ZNF586: variants seen among roughly 807,000 people sequenced by gnomAD.
The protein encoded by ZNF586 is zinc finger protein 586.
In ZNF586, 7 loss-of-function variants were observed where a neutral mutation model predicts 6.7. The ratio of observed to expected loss-of-function variants is 1.04; its 90% CI spans 0.59 to 1.95. ZNF586 has a LOEUF of 1.95. Among genes scored for constraint, ZNF586 ranks in the 30% most tolerant of loss-of-function variants. ZNF586 has a pLI of 0.00. For synonymous variants in ZNF586, 166 were observed against 168.7 expected (o/e 0.98, Z 0.12); for missense variants, 442 against 489.6 (o/e 0.90, Z 0.92).
rs1374043934 is a variant in ZNF586, at chr19:57,775,958, T to C, written c.37-585T>C. On this transcript the variant is annotated intron_variant, in intron 1 of 2. Coordinates refer to ENST00000396154, the MANE Select transcript of ZNF586 (RefSeq NM_017652.4). Reference sequence around the variant, plus strand: ...TGGCTCTCTGTGGTGAGTGGTGTCCTCTTCTCTCAAGCGCTGAGCATATTT... The same window carrying C: ...TGGCTCTCTGTGGTGAGTGGTGTCCCCTTCTCTCAAGCGCTGAGCATATTT... Among the ~76,000 whole-genome samples, 4 of 152,222 alleles carry C rather than the reference T, an allele frequency of 2.6e-5. No individual in the cohort carries two copies. The East Asian group carries it at 7.7e-4, about 29-fold the overall frequency.
Position 57,779,137 on chromosome 19 carries a change from G to A in ZNF586, c.550G>A (p.Gly184Arg), listed in dbSNP as rs2122567101. 1 of 1,614,000 alleles carries A rather than the reference G, an allele frequency of 6.2e-7. No homozygotes were observed. Among genetic ancestry groups the A allele is most frequent in the Non-Finnish European group, 8.5e-7 (1 of 1,180,002 alleles). ...AAGGCCTTATGAGTGTATTGAATGT[G>A]GGAAAGCCTTTGCTGAAAAGTCCAG... ...RERPYECIECGKAFAEKSSLI... is the reference protein window; with the variant it reads ...RERPYECIECRKAFAEKSSLI... The change falls in exon 3 of 3, where the codon GGG becomes AGG. Residue 184 changes from glycine (G) to arginine (R), a missense_variant. Coordinates refer to ENST00000396154, the MANE Select transcript of ZNF586 (RefSeq NM_017652.4).
chr19:57,773,402 C>CTTTTTTTTTTT (rs35585717), intron 1 of ZNF586, among the ~76,000 whole-genome samples: 2 of 92,800 alleles, frequency 2.2e-5, no homozygotes, highest in African/African-American at 7.1e-5. Context: ...TCTTCTTCTT[C>CTTTTTTTTTTT]TTTTTTTTTT....
In ZNF586 at chr19:57,780,090, G is replaced by A; in HGVS notation, c.*294G>A. The A allele has an allele frequency of 5.2e-6, 2 of 385,914 alleles. No individual in the cohort carries two copies. The highest frequency in any genetic ancestry group is 9.2e-6 in the Non-Finnish European group (2 of 216,868). 23.9% of individuals were successfully genotyped at this position (385,914 alleles called of 1,614,324 possible). A position where few individuals can be genotyped will look rare whatever the true frequency, so the allele number is the denominator to read the frequency against. ...TATAACACTGGAGGAAACCCCTTAT[G>A]AGGATGCCATCTGCCTAAATTGAAT... On this transcript the variant is annotated 3_prime_UTR_variant, in exon 3 of 3. Coordinates refer to ENST00000396154, the MANE Select transcript of ZNF586 (RefSeq NM_017652.4).
rs777454009 is a variant in ZNF586 at position 57,778,823 on chromosome 19, AGGG to A, written c.237_239del (p.Gly81del). On this transcript the variant is annotated inframe_deletion, in exon 3 of 3. Coordinates refer to ENST00000396154, the MANE Select transcript of ZNF586 (RefSeq NM_017652.4). ...ACGTGTATACATATATACAAAGACC[AGGG>A]AGGTCATAGTGGAGAAAGGCCTTAT... The A allele has an allele frequency of 1.2e-6, 2 of 1,614,204 alleles. No homozygotes were observed. The highest frequency in any genetic ancestry group is 1.7e-6 in the Non-Finnish European group (2 of 1,180,036).
At chr19:57,774,012 T>C (rs534050091) in intron 1 of ZNF586, among the ~76,000 whole-genome samples, 2 of 151,704 alleles carry the variant, frequency 1.3e-5, no homozygotes, top group Non-Finnish European at 2.9e-5. Flanking sequence ...GGCCGGGGGT[T>C]CGAGATCAGC....
In ZNF586 at chr19:57,779,356, A is replaced by T; in HGVS notation, c.769A>T (p.Thr257Ser). ...TCTTATTAAACACTTGAGAGTTCACACAGGAGAAAGGCCTTATGAATGCGT... is the reference window on the plus strand; with the variant it reads ...TCTTATTAAACACTTGAGAGTTCACTCAGGAGAAAGGCCTTATGAATGCGT... ...SSLIKHLRVH[T>S]GERPYECVEC... is the part of the protein sequence containing the mutation. The change falls in exon 3 of 3, where the codon ACA becomes TCA. Residue 257 changes from threonine to serine, a missense_variant. Transcript: ENST00000396154. 1 of 1,613,428 alleles carries T rather than the reference A, an allele frequency of 6.2e-7. No homozygotes were observed. The highest frequency in any genetic ancestry group is 1.3e-5 in the African/African-American group (1 of 74,696).
chr19:57,779,252 T>C lies in ZNF586; in HGVS notation c.665T>C (p.Ile222Thr), dbSNP rs1568484336. The stretch of plus-strand genomic sequence containing the variant: ...TCCTTTGCTTATACATCTAGTCTCA[T>C]TAAACACAGGAGGATTCACACTGGA... The part of the protein sequence containing the change: ...GKSFAYTSSL[I>T]KHRRIHTGER... Residue 222 changes from isoleucine to threonine, a missense_variant, in exon 3 of 3, where the codon ATT (isoleucine) becomes ACT (threonine). Transcript: ENST00000396154. 6.2e-7 allele frequency: 1 copy of C among 1,613,648 alleles called. No individual in the cohort carries two copies. The highest frequency in any genetic ancestry group is 2.2e-5 in the East Asian group (1 of 44,766).
Position 57,779,260 on chromosome 19 carries a change from A to G in ZNF586, c.673A>G (p.Arg225Gly), listed in dbSNP as rs201324003. The change falls in exon 3 of 3, where the codon AGG becomes GGG. Residue 225 changes from arginine to glycine, a missense_variant. Physicochemically the swap from Arg to Gly is moderately radical, Grantham distance 125. Coordinates refer to ENST00000396154, the MANE Select transcript of ZNF586 (RefSeq NM_017652.4). ...FAYTSSLIKH[R>G]RIHTGERPYE... Reference sequence around the variant, plus strand: ...TTATACATCTAGTCTCATTAAACACAGGAGGATTCACACTGGAGAGAGGCC... The same window carrying G: ...TTATACATCTAGTCTCATTAAACACGGGAGGATTCACACTGGAGAGAGGCC... 6.2e-7 allele frequency: 1 copy of G among 1,614,164 alleles called. No homozygotes were observed. The highest frequency in any genetic ancestry group is 2.2e-5 in the East Asian group (1 of 44,880).
intron 1 of ZNF586, among the ~76,000 whole-genome samples, chr19:57,772,915 TA>T (rs1340526234): frequency 3.9e-5 from 6 of 152,150 alleles, no homozygotes; most frequent in African/African-American, 1.4e-4. Context: ...AATCCTGACA[TA>T]GTCTCTTTTC....
rs763613975 is a variant in ZNF586 at position 57,779,255 on chromosome 19, A to C, written c.668A>C (p.Lys223Thr). ...TTTGCTTATACATCTAGTCTCATTA[A>C]ACACAGGAGGATTCACACTGGAGAG... Reference protein sequence around the residue: ...KSFAYTSSLIKHRRIHTGERP... With the variant: ...KSFAYTSSLITHRRIHTGERP... Residue 223 changes from lysine to threonine, a missense_variant, in exon 3 of 3, where the codon AAA (lysine) becomes ACA (threonine). Coordinates refer to ENST00000396154, the MANE Select transcript of ZNF586 (RefSeq NM_017652.4). The C allele has an allele frequency of 3.7e-6, 6 of 1,614,054 alleles. No individual in the cohort carries two copies. The highest frequency in any genetic ancestry group is 5.1e-6 in the Non-Finnish European group (6 of 1,180,036).
At position 57,779,900 on chromosome 19, in the gene ZNF586, T is replaced by G. The variant is rs1987345486; in HGVS notation, c.*104T>G. ...GAGTGTGACAAATGGGGAATATTCT[T>G]TAGCTAGAATGCTAGCTTCTTTACA... On this transcript the variant is annotated 3_prime_UTR_variant, in exon 3 of 3. Coordinates refer to ENST00000396154, the MANE Select transcript of ZNF586 (RefSeq NM_017652.4). 4 of 999,718 alleles carry G rather than the reference T, an allele frequency of 4.0e-6. No individual in the cohort carries two copies. Among genetic ancestry groups the G allele is most frequent in the African/African-American group, 1.6e-5 (1 of 61,312 alleles). The allele number at this position is 999,718 out of a possible 1,614,324, so 61.9% of individuals were successfully genotyped here.
intron 2 of ZNF586, among the ~76,000 whole-genome samples, chr19:57,776,973 G>A (rs1007903165): frequency 3.3e-5 from 5 of 152,130 alleles, no homozygotes; most frequent in African/African-American, 1.2e-4. Context: ...GCTTCTGTTT[G>A]TCTCAAGTTC....
At chr19:57,776,510 C>A (rs1260437145) in intron 1 of ZNF586, 33 bp from the exon 2 acceptor site, 4 of 1,596,640 alleles carry the variant, frequency 2.5e-6, no homozygotes, top group Non-Finnish European at 3.4e-6. Flanking sequence ...GCATAGGGGC[C>A]ATTTGTGGTT....
rs373553723 is a variant in ZNF586, at chr19:57,779,243, C to T, written c.656C>T (p.Ser219Phe). The T allele has an allele frequency of 2.5e-5, 41 of 1,613,976 alleles. No homozygotes were observed. Among genetic ancestry groups the T allele is most frequent in the Non-Finnish European group, 3.1e-5 (36 of 1,180,026 alleles). ...TGTGGGAAGTCCTTTGCTTATACATCTAGTCTCATTAAACACAGGAGGATT... is the reference window on the plus strand; with the variant it reads ...TGTGGGAAGTCCTTTGCTTATACATTTAGTCTCATTAAACACAGGAGGATT... Reference protein sequence around the residue: ...NECGKSFAYTSSLIKHRRIHT... With the variant: ...NECGKSFAYTFSLIKHRRIHT... The change falls in exon 3 of 3, where the codon TCT (serine) becomes TTT (phenylalanine). Residue 219 changes from serine to phenylalanine, a missense_variant. Coordinates refer to ENST00000396154, the MANE Select transcript of ZNF586 (RefSeq NM_017652.4).
rs1228715221 is a variant in ZNF586 at position 57,779,094 on chromosome 19, G to C, written c.507G>C (p.Gln169His). 3 of 1,614,086 alleles carry C rather than the reference G, an allele frequency of 1.9e-6. No homozygotes were observed. The highest frequency in any genetic ancestry group is 1.7e-5 in the Admixed American group (1 of 59,998). The change falls in exon 3 of 3, where the codon CAG (glutamine) becomes CAC (histidine). Residue 169 changes from glutamine (Q) to histidine (H), a missense_variant. By Grantham distance (24) the Gln-to-His change is conservative (BLOSUM62 0). Coordinates refer to ENST00000396154, the MANE Select transcript of ZNF586 (RefSeq NM_017652.4). ...AAAGCTCTTCACTCTTGCAGCGTCA[G>C]ACACTTCACACTAGAGAAAGGCCTT... ...FHQSSSLLQR[Q>H]TLHTRERPYE...
Position 57,779,408 on chromosome 19 carries a change from G to A in ZNF586, c.821G>A (p.Ser274Asn), listed in dbSNP as rs776447863. 2.4e-5 allele frequency: 39 copies of A among 1,613,528 alleles called. No homozygotes were observed. The South Asian group carries it at 4.0e-4, about 16-fold the overall frequency. ...GAGTGTGGAAAATCATTTCGCCGAA[G>A]CTCTTCACTCTTGCAGCATCAGAGA... ...CVECGKSFRR[S>N]SSLLQHQRVH... The change falls in exon 3 of 3, where the codon AGC becomes AAC. Residue 274 changes from serine (S) to asparagine (N), a missense_variant. Coordinates refer to ENST00000396154, the MANE Select transcript of ZNF586 (RefSeq NM_017652.4).
intron 1 of ZNF586, among the ~76,000 whole-genome samples, chr19:57,775,769 A>G (rs1987221359): frequency 6.6e-6 from 1 of 151,894 alleles, no homozygotes; most frequent in Non-Finnish European, 1.5e-5. Flanking sequence ...TACCCAGCCA[A>G]TTTTTGTATT....
At chr19:57,770,272 T>G (rs1987063134) in intron 1 of ZNF586, among the ~76,000 whole-genome samples, 1 of 148,948 alleles carries the variant, frequency 6.7e-6, no homozygotes, top group Non-Finnish European at 1.5e-5. Flanking sequence ...TTCTCCTGCC[T>G]CAGCCTCCCG....
chr19:57,776,169 T>C (rs1174707828), intron 1 of ZNF586, among the ~76,000 whole-genome samples: 3 of 152,190 alleles, frequency 2.0e-5, no homozygotes, highest in African/African-American at 4.8e-5. Flanking sequence ...GCAATTGGCA[T>C]GTGTCTGTGG....
Sources: gnomAD v4.1 joint callset for allele counts (sites outside exome capture counted in the v4.1 genomes callset) on GRCh38, gnomAD v4.1.1 for gene constraint, MANE v1.5 for transcripts, NCBI Gene and HGNC (gene_info 2026-07-23, HGNC 2026-07-21) for gene names.